MKLN1: variants seen among roughly 807,000 people sequenced by gnomAD.
MKLN1 encodes the protein muskelin.
A neutral mutation model predicts 99.0 loss-of-function variants in MKLN1; 18 were observed. That is an observed-to-expected ratio of 0.18 (90% confidence interval 0.13 to 0.27). MKLN1 has a LOEUF of 0.27. MKLN1 is among the 10% of genes least tolerant of loss of function. MKLN1 has a pLI of 1.00. For synonymous variants in MKLN1, 288 were observed against 293.2 expected, an observed-to-expected ratio of 0.98 and a Z score of 0.18; for missense variants, 621 against 875.9, an observed-to-expected ratio of 0.71 and a Z score of 3.67.
Position 131,225,976 on chromosome 7 carries a change from A to G in MKLN1, c.-179+23002A>G, listed in dbSNP as rs1584849932. 3.3e-5 allele frequency among the ~76,000 whole-genome samples: 5 copies of G among 151,066 alleles called. No individual in the cohort carries two copies. The South Asian group carries it at 1.1e-3, about 32-fold the overall frequency. On this transcript the variant is annotated intron_variant, in intron 3 of 7. Coordinates refer to the MKLN1 transcript ENST00000416992. ...GCTGGTGGCAGCCCCAGCCCTTCCT[A>G]CTCCCTCAGAGCCTGCTGTCCTTCC... is the stretch of plus-strand genomic sequence containing the variant.
At chr7:131,113,993 C>CA in intron 1 of MKLN1, among the ~76,000 whole-genome samples, 1 of 152,318 alleles carries the variant, frequency 6.6e-6, no homozygotes, top group East Asian at 1.9e-4. Context: ...GTCCCTCCCT[C>CA]AGCACGTGGG....
chr7:131,414,851 T>C, intron 8 of MKLN1, 141 bp downstream of exon 8: 1 of 462,738 alleles, frequency 2.2e-6, no homozygotes, highest in African/African-American at 2.0e-5. Context: ...AAGTTTAACA[T>C]GCGGCCTTTT....
chr7:131,184,304 C>T (rs1796417539), intron 2 of MKLN1, among the ~76,000 whole-genome samples: 1 of 152,080 alleles, frequency 6.6e-6, no homozygotes, highest in African/African-American at 2.4e-5. Flanking sequence ...TTTCTAATGT[C>T]TTAATGCTCA....
intron 1 of MKLN1, among the ~76,000 whole-genome samples, chr7:131,335,320 ATTGT>A (rs1799219762): frequency 6.6e-6 from 1 of 152,144 alleles, no homozygotes; most frequent in Admixed American, 6.5e-5. Flanking sequence ...AAACAAAGAT[ATTGT>A]TTGTTTAATG....
intron 3 of MKLN1, among the ~76,000 whole-genome samples, chr7:131,225,000 G>A (rs1200041424): frequency 6.6e-6 from 1 of 151,842 alleles, no homozygotes; most frequent in African/African-American, 2.4e-5. Context: ...GCGAACCCGG[G>A]AGGCGGAGCT....
At chr7:131,130,595 C>G (rs1584779402) in intron 1 of MKLN1, among the ~76,000 whole-genome samples, 1 of 152,164 alleles carries the variant, frequency 6.6e-6, no homozygotes, top group Admixed American at 6.5e-5. Context: ...AAGAAGATGA[C>G]AGACATATTT....
chr7:131,222,695 G>A (rs1031358047), intron 3 of MKLN1, among the ~76,000 whole-genome samples: 4 of 152,006 alleles, frequency 2.6e-5, no homozygotes, highest in Non-Finnish European at 5.9e-5. Flanking sequence ...GCACAAGGAA[G>A]CCATTTCTAC....
At chr7:131,365,406 CTCTGT>C in intron 1 of MKLN1, among the ~76,000 whole-genome samples, 1 of 152,154 alleles carries the variant, frequency 6.6e-6, no homozygotes, top group Non-Finnish European at 1.5e-5. Flanking sequence ...TGTCTGTTTA[CTCTGT>C]TGATAGTTTC....
chr7:131,262,362 G>A (rs1005700976), intron 3 of MKLN1, among the ~76,000 whole-genome samples: 3 of 151,612 alleles, frequency 2.0e-5, no homozygotes, highest in Admixed American at 6.6e-5. Flanking sequence ...GCTTGAACCC[G>A]GGAGGCAGAG....
intron 3 of MKLN1, among the ~76,000 whole-genome samples, chr7:131,254,959 A>G (rs1797637103): frequency 6.6e-6 from 1 of 151,932 alleles, no homozygotes; most frequent in African/African-American, 2.4e-5. Context: ...TGGCACAGTC[A>G]TGGCTTACTG....
intron 1 of MKLN1, among the ~76,000 whole-genome samples, chr7:131,368,254 C>G (rs527460923): frequency 6.6e-6 from 1 of 152,072 alleles, no homozygotes; most frequent in Non-Finnish European, 1.5e-5. Context: ...GAAATAAGAT[C>G]CATTATTTAA....
intron 3 of MKLN1, among the ~76,000 whole-genome samples, chr7:131,239,375 C>T (rs28728378): frequency 0.18 from 27,530 of 151,302 alleles, 3,264 homozygotes; most frequent in African/African-American, 0.34. Flanking sequence ...TGTACTGACA[C>T]GATCATAGCT....
intron 3 of MKLN1, among the ~76,000 whole-genome samples, chr7:131,272,702 A>G (rs1797904447): frequency 6.6e-6 from 1 of 152,188 alleles, no homozygotes; most frequent in African/African-American, 2.4e-5. Flanking sequence ...GGGAGGTGAA[A>G]GGCACTTCTT....
chr7:131,342,878 G>C (rs1041238391), intron 1 of MKLN1, among the ~76,000 whole-genome samples: 1 of 152,094 alleles, frequency 6.6e-6, no homozygotes, highest in African/African-American at 2.4e-5. Context: ...GTGGTATTAT[G>C]GCTTTTGAAA....
chr7:131,428,902 G>T, intron 8 of MKLN1, 131 bp from the exon 9 acceptor site: 1 of 612,386 alleles, frequency 1.6e-6, no homozygotes, highest in African/African-American at 1.8e-5. Context: ...AAAGTTACCA[G>T]GTTAAAATTT....
chr7:131,382,917 G>A (rs1789678940), intron 2 of MKLN1, among the ~76,000 whole-genome samples: 1 of 151,976 alleles, frequency 6.6e-6, no homozygotes, highest in African/African-American at 2.4e-5. Context: ...TAGAGACAGG[G>A]TTTCACCGTG....
At chr7:131,381,901 A>T (rs1306064769) in intron 2 of MKLN1, among the ~76,000 whole-genome samples, 1 of 152,202 alleles carries the variant, frequency 6.6e-6, no homozygotes, top group East Asian at 1.9e-4. Flanking sequence ...GTATGTACTC[A>T]CAAACATACT....
intron 1 of MKLN1, among the ~76,000 whole-genome samples, chr7:131,373,747 G>A (rs1793542051): frequency 6.6e-6 from 1 of 152,058 alleles, no homozygotes; most frequent in Admixed American, 6.6e-5. Flanking sequence ...TATTACCATG[G>A]TACGTTTGTC....
At chr7:131,301,883 A>G (rs928989435) in intron 3 of MKLN1, among the ~76,000 whole-genome samples, 1 of 152,218 alleles carries the variant, frequency 6.6e-6, no homozygotes, top group Non-Finnish European at 1.5e-5. Flanking sequence ...CTATCCCACC[A>G]GCCCCATCCT....
Sources: gnomAD v4.1 joint callset for allele counts (sites outside exome capture counted in the v4.1 genomes callset) on GRCh38, gnomAD v4.1.1 for gene constraint, MANE v1.5 for transcripts, NCBI Gene and HGNC (gene_info 2026-07-23, HGNC 2026-07-21) for gene names.